CCDC73: variants seen among roughly 807,000 people sequenced by gnomAD.
CCDC73 encodes coiled-coil domain-containing protein 73.
A neutral mutation model predicts 116.5 loss-of-function variants in CCDC73; 95 were observed. The ratio of observed to expected loss-of-function variants is 0.82; its 90% CI spans 0.69 to 0.97. The LOEUF (loss-of-function observed/expected upper bound fraction) is 0.97. Among genes scored for constraint, CCDC73 ranks in the 50% least tolerant of loss-of-function variants. The pLI, the probability that CCDC73 is intolerant of heterozygous loss-of-function variation, is 0.00. For synonymous variants in CCDC73, 398 were observed against 401.3 expected, an observed-to-expected ratio of 0.99 and a Z score of 0.10; for missense variants, 1,066 against 1,206.8, an observed-to-expected ratio of 0.88 and a Z score of 1.73.
At chr11:32,618,393 C>A (rs1396371826) in intron 14 of CCDC73, among the ~76,000 whole-genome samples, 1 of 152,044 alleles carries the variant, frequency 6.6e-6, no homozygotes, top group African/African-American at 2.4e-5. Context: ...GGCTATATAC[C>A]TGGTAATAGT....
At chr11:32,758,719 T>C (rs556101714) in intron 2 of CCDC73, 59 of 242,794 alleles carry the variant, frequency 2.4e-4, no homozygotes, top group African/African-American at 1.1e-3. Flanking sequence ...ATTTTTTAAG[T>C]TGGAAATATA....
intron 14 of CCDC73, among the ~76,000 whole-genome samples, chr11:32,618,686 G>A (rs940190910): frequency 3.9e-5 from 6 of 152,054 alleles, no homozygotes; most frequent in Admixed American, 3.3e-4. Flanking sequence ...CCAAGCAGTT[G>A]GGAGTACAGG....
At position 32,614,006 on chromosome 11, in the gene CCDC73, T is replaced by TCTTC. The variant is rs1855447737; in HGVS notation, c.2311_2312insGAAG (p.Asn771ArgfsTer11). Reference sequence around the variant, plus strand: ...AAGATGAAGATGGGAAATGTTCACATTAGTGTTTTCTAAGTATCCCAAACA... The same window carrying TCTTC: ...AAGATGAAGATGGGAAATGTTCACATCTTCTAGTGTTTTCTAAGTATCCCAAACA... On this transcript the variant is annotated frameshift_variant, in exon 16 of 18. Coordinates refer to ENST00000335185, the MANE Select transcript of CCDC73 (RefSeq NM_001008391.4). LOFTEE classifies it high-confidence loss of function. 6 of 1,611,378 alleles carry TCTTC rather than the reference T, an allele frequency of 3.7e-6. No individual in the cohort carries two copies. The Middle Eastern group carries it at 4.9e-4, about 133-fold the overall frequency.
At chr11:32,656,751 C>A (rs1490308992) in intron 9 of CCDC73, among the ~76,000 whole-genome samples, 1 of 152,142 alleles carries the variant, frequency 6.6e-6, no homozygotes, top group Non-Finnish European at 1.5e-5. Context: ...ATAACCAATG[C>A]CCTTCCAATA....
chr11:32,654,792 T>C, intron 10 of CCDC73, 52 bp downstream of exon 10: 1 of 1,263,166 alleles, frequency 7.9e-7, no homozygotes, highest in South Asian at 1.6e-5. Flanking sequence ...GAAATTCTCA[T>C]AAGTTTTATT....
intron 1 of CCDC73, among the ~76,000 whole-genome samples, chr11:32,762,491 C>T (rs931874038): frequency 6.6e-6 from 1 of 152,056 alleles, no homozygotes; most frequent in Admixed American, 6.5e-5. Context: ...AGACTCACTA[C>T]ATTAAGTAGA....
chr11:32,797,009 C>CAAAAA (rs1163144111), upstream of CCDC73, among the ~76,000 whole-genome samples: 10 of 74,602 alleles, frequency 1.3e-4, no homozygotes, highest in Admixed American at 1.9e-4. Context: ...GAGACTGCCT[C>CAAAAA]AAAAAAAAAA....
intron 1 of CCDC73, among the ~76,000 whole-genome samples, chr11:32,782,233 T>C (rs966789385): frequency 1.3e-5 from 2 of 152,156 alleles, no homozygotes; most frequent in African/African-American, 4.8e-5. Context: ...CATATCACAA[T>C]GTAAAAATAA....
chr11:32,611,050 G>T, intron 17 of CCDC73, 82 bp downstream of exon 17: 1 of 1,325,268 alleles, frequency 7.5e-7, no homozygotes, highest in Non-Finnish European at 1.0e-6. Context: ...AGGTCTTAAA[G>T]CATCCAGATG....
At chr11:32,678,854 G>C (rs932482521) in intron 7 of CCDC73, among the ~76,000 whole-genome samples, 5 of 146,498 alleles carry the variant, frequency 3.4e-5, no homozygotes, top group African/African-American at 1.3e-4. Context: ...CTGCACTCTA[G>C]CCTGGGTGAC....
At chr11:32,796,085 C>G (rs1236675177), upstream of CCDC73, among the ~76,000 whole-genome samples, 1 of 152,186 alleles carries the variant, frequency 6.6e-6, no homozygotes, top group Non-Finnish European at 1.5e-5. Context: ...CCAGATGTCA[C>G]CTTTTTAGGG....
rs111344395 is a variant in CCDC73 at position 32,758,589 on chromosome 11, C to T, written c.135+1520G>A. 4.9e-3 allele frequency: 2,067 copies of T among 425,756 alleles called. 35 individuals carry two copies. Among genetic ancestry groups the T allele is most frequent in the African/African-American group, 0.039 (1,917 of 49,052 alleles). The allele number at this position is 425,756 out of a possible 1,614,324, so 26.4% of individuals were successfully genotyped here. A position where few individuals can be genotyped will look rare whatever the true frequency, so the allele number is the denominator to read the frequency against. ...AAAATCCTTGTGAAAGTGTTGAAGG[C>T]ACAAGCACAGAGTTTGAAAGCTAAA... On this transcript the variant is annotated intron_variant, in intron 2 of 17. Coordinates refer to ENST00000335185, the MANE Select transcript of CCDC73 (RefSeq NM_001008391.4).
At chr11:32,653,062 A>T in intron 12 of CCDC73, 61 bp downstream of exon 12, 1 of 960,180 alleles carries the variant, frequency 1.0e-6, no homozygotes, top group Non-Finnish European at 1.6e-6. Flanking sequence ...CAGGAAGTTA[A>T]TTAGTGAAAA....
chr11:32,796,358 A>T (rs755795877), upstream of CCDC73, among the ~76,000 whole-genome samples: 1 of 152,242 alleles, frequency 6.6e-6, no homozygotes, highest in South Asian at 2.1e-4. Flanking sequence ...TTTACCAACC[A>T]TAACAGCTAT....
chr11:32,651,256 T>TG (rs1235526316), intron 12 of CCDC73, among the ~76,000 whole-genome samples: 15 of 152,182 alleles, frequency 9.9e-5, no homozygotes, highest in Non-Finnish European at 1.6e-4. Context: ...GTACCTGGAC[T>TG]GGGGATTCAT....
upstream of CCDC73, among the ~76,000 whole-genome samples, chr11:32,799,196 A>T (rs1364093645): frequency 1.3e-5 from 2 of 150,146 alleles, no homozygotes; most frequent in Admixed American, 1.3e-4. Flanking sequence ...GGTTCAAGTG[A>T]TTCTCCTGCC....
intron 2 of CCDC73, among the ~76,000 whole-genome samples, chr11:32,746,719 G>T (rs1850242390): frequency 6.6e-6 from 1 of 151,734 alleles, no homozygotes; most frequent in Non-Finnish European, 1.5e-5. Flanking sequence ...TGATCGTATT[G>T]GCTACTCAAG....
the CCDC73 span, chr11:32,830,118 G>GC: frequency 1.0e-6 from 1 of 995,304 alleles, no homozygotes; most frequent in Non-Finnish European, 1.2e-6. Flanking sequence ...CGAAGGAACC[G>GC]CCCCAAGAAG....
intron 9 of CCDC73, among the ~76,000 whole-genome samples, chr11:32,674,001 A>G (rs1266301192): frequency 6.6e-6 from 1 of 152,126 alleles, no homozygotes; most frequent in African/African-American, 2.4e-5. Flanking sequence ...GAACAGGGGG[A>G]ATAAATACCC....
Sources: gnomAD v4.1 joint callset for allele counts (sites outside exome capture counted in the v4.1 genomes callset) on GRCh38, gnomAD v4.1.1 for gene constraint, MANE v1.5 for transcripts, NCBI Gene and HGNC (gene_info 2026-07-23, HGNC 2026-07-21) for gene names.